LONRF1: variants seen among roughly 807,000 people sequenced by gnomAD.
LONRF1 encodes the protein LON peptidase N-terminal domain and RING finger protein 1.
A neutral mutation model predicts 85.8 loss-of-function variants in LONRF1; 37 were observed. The observed-to-expected ratio is 0.43, with a 90% CI of 0.33 to 0.57. The LOEUF (loss-of-function observed/expected upper bound fraction) is 0.57. Ranked by LOEUF, LONRF1 falls within the 20% of genes least tolerant of loss-of-function variation. The pLI is 0.04. For missense variants in LONRF1, 1,036 were observed against 978.0 expected (o/e 1.06, Z -0.79); for synonymous variants, 517 against 390.1 (o/e 1.33, Z -3.83).
chr8:12,745,846 A>C (rs146494324), intron 1 of LONRF1, among the ~76,000 whole-genome samples: 11 of 152,166 alleles, frequency 7.2e-5, no homozygotes, highest in Non-Finnish European at 1.2e-4. Context: ...AAATCACTTA[A>C]TATCTCTGGT....
intron 1 of LONRF1, among the ~76,000 whole-genome samples, chr8:12,747,206 C>A (rs1370697685): frequency 1.3e-5 from 2 of 152,176 alleles, no homozygotes; most frequent in Admixed American, 6.5e-5. Flanking sequence ...TAAGACTCTG[C>A]TCCACCATCT....
intron 11 of LONRF1, 146 bp from the exon 12 acceptor site, chr8:12,723,400 T>G (rs996756917): frequency 7.4e-6 from 5 of 678,192 alleles, no homozygotes; most frequent in Middle Eastern, 4.1e-4. Context: ...ATGCAAAGTA[T>G]AAAATGGGAG....
In LONRF1 at chr8:12,755,183, G is replaced by A; in HGVS notation, c.238C>T (p.Pro80Ser). ...GCGCCCAGGCACTCGGGCCTGGCCG[G>A]GGCCCCGCGGCGCAGCGCCGCCGCG... ...AFAAALRRGA[P>S]ARPECLGALV... is the part of the protein sequence containing the mutation. Residue 80 changes from proline to serine, a missense_variant, in exon 1 of 12, where the codon CCG (proline) becomes TCG (serine). Coordinates refer to ENST00000398246, the MANE Select transcript of LONRF1 (RefSeq NM_152271.5). 1.5e-6 allele frequency: 2 copies of A among 1,329,970 alleles called. No homozygotes were observed. Among genetic ancestry groups the A allele is most frequent in the Non-Finnish European group, 1.9e-6 (2 of 1,047,680 alleles). The allele number at this position is 1,329,970 out of a possible 1,614,324, so 82.4% of individuals were successfully genotyped here. A position where few individuals can be genotyped will look rare whatever the true frequency, so the allele number is the denominator to read the frequency against.
intron 3 of LONRF1, among the ~76,000 whole-genome samples, chr8:12,739,386 T>A (rs1798843388): frequency 6.6e-6 from 1 of 150,920 alleles, no homozygotes; most frequent in African/African-American, 2.4e-5. Flanking sequence ...ACAGTATATA[T>A]TGTATGATTC....
intron 1 of LONRF1, chr8:12,752,922 TAGG>T (rs1799467188): frequency 6.6e-6 from 1 of 152,208 alleles, no homozygotes; most frequent in South Asian, 2.1e-4. Context: ...GACCAACGTT[TAGG>T]AGAAGCGGAA....
At chr8:12,743,103 A>T in intron 2 of LONRF1, 61 bp downstream of exon 2, 1 of 1,018,854 alleles carries the variant, frequency 9.8e-7, no homozygotes, top group Non-Finnish European at 1.6e-6. Context: ...ACTGTGAATG[A>T]ATGCATGTCC....
intron 10 of LONRF1, among the ~76,000 whole-genome samples, chr8:12,726,373 A>G (rs1321261543): frequency 3.3e-5 from 5 of 152,332 alleles, no homozygotes; most frequent in Admixed American, 3.3e-4. Context: ...ACTGGGTCAA[A>G]ACACAAAAAC....
At position 12,743,274 on chromosome 8, in the gene LONRF1, C is replaced by A; in HGVS notation, c.730G>T (p.Asp244Tyr). The A allele has an allele frequency of 6.4e-7, 1 of 1,570,778 alleles. No homozygotes were observed. Among genetic ancestry groups the A allele is most frequent in the South Asian group, 1.1e-5 (1 of 88,914 alleles). Residue 244 changes from aspartate (D) to tyrosine (Y), a missense_variant, in exon 2 of 12, where the codon GAC (aspartate) becomes TAC (tyrosine). Asp to Tyr is a radical substitution (Grantham distance 160). Around this residue, in one of 3 missense-constraint regions of LONRF1, gnomAD observed 742 missense variants for 614.4 expected, o/e 1.21. Coordinates refer to ENST00000398246, the MANE Select transcript of LONRF1 (RefSeq NM_152271.5). The part of the protein sequence containing the change: ...ACEALRAEPS[D>Y]LIVKIYRAES... Reference sequence around the variant, plus strand: ...GCTCTGTAAATTTTTACAATCAAGTCACTGGGTTCTGAAATAAATATTTTA... The same window carrying A: ...GCTCTGTAAATTTTTACAATCAAGTAACTGGGTTCTGAAATAAATATTTTA...
chr8:12,735,494 A>G, intron 6 of LONRF1, 94 bp from the exon 7 acceptor site: 3 of 743,444 alleles, frequency 4.0e-6, no homozygotes, highest in Non-Finnish European at 6.9e-6. Context: ...TCTCTATTTA[A>G]AGGAGGAAGA....
intron 10 of LONRF1, among the ~76,000 whole-genome samples, chr8:12,728,499 G>C (rs1056245615): frequency 1.3e-5 from 2 of 152,128 alleles, no homozygotes; most frequent in African/African-American, 4.8e-5. Context: ...AATTCCATCG[G>C]CTTCAACTAC....
intron 1 of LONRF1, among the ~76,000 whole-genome samples, chr8:12,747,290 T>C (rs530539370): frequency 3.6e-4 from 55 of 152,312 alleles, no homozygotes; most frequent in Non-Finnish European, 6.5e-4. Flanking sequence ...TCTAGAGTCA[T>C]GGTTTTCTAT....
At chr8:12,741,687 A>C (rs1250917361) in intron 2 of LONRF1, among the ~76,000 whole-genome samples, 2 of 152,210 alleles carry the variant, frequency 1.3e-5, no homozygotes, top group African/African-American at 4.8e-5. Flanking sequence ...TTAAAATGTG[A>C]AAAAAATTTT....
chr8:12,745,323 A>G (rs1488048305), intron 1 of LONRF1, among the ~76,000 whole-genome samples: 1 of 11,038 alleles, frequency 9.1e-5, no homozygotes, highest in African/African-American at 3.1e-4. Flanking sequence ...TTTTTTTGGA[A>G]AAAAAAAAAA....
intron 1 of LONRF1, chr8:12,753,701 C>T (rs1392617364): frequency 5.9e-5 from 9 of 152,186 alleles, no homozygotes; most frequent in Non-Finnish European, 1.3e-4. Context: ...CTTCCTTTTA[C>T]GTAAGAGAAG....
intron 1 of LONRF1, among the ~76,000 whole-genome samples, chr8:12,745,643 T>C (rs1174562194): frequency 6.6e-6 from 1 of 152,242 alleles, no homozygotes; most frequent in Middle Eastern, 3.2e-3. Context: ...AAGATGCTGG[T>C]GCTCACTCCA....
Position 12,745,846 on chromosome 8 carries a change from A to G in LONRF1, c.722-2564T>C, listed in dbSNP as rs146494324. 3.9e-5 allele frequency among the ~76,000 whole-genome samples: 6 copies of G among 152,284 alleles called. No individual in the cohort carries two copies. In the East Asian group the frequency reaches 1.2e-3, roughly 29 times the overall value. ...CTGTGACCTTATTCTAAATCACTTA[A>G]TATCTCTGGTCTTGTACCCATATCT... On this transcript the variant is annotated intron_variant, in intron 1 of 11. Transcript: ENST00000398246.
chr8:12,751,786 A>G (rs191665116), intron 1 of LONRF1, among the ~76,000 whole-genome samples: 1 of 152,064 alleles, frequency 6.6e-6, no homozygotes, highest in African/African-American at 2.4e-5. Context: ...AAGTCAGTGT[A>G]AAAAAACATT....
intron 1 of LONRF1, among the ~76,000 whole-genome samples, chr8:12,750,840 G>C (rs1343044418): frequency 6.6e-6 from 1 of 152,108 alleles, no homozygotes; most frequent in African/African-American, 2.4e-5. Flanking sequence ...AAAATTGCAA[G>C]GTTTAGATTC....
At chr8:12,729,820 T>C (rs17761564) in intron 8 of LONRF1, among the ~76,000 whole-genome samples, 12,850 of 152,252 alleles carry the variant, frequency 0.084, 744 homozygotes, top group Non-Finnish European at 0.13. Flanking sequence ...AAAACATATT[T>C]TGATGAGATA....
Sources: allele counts gnomAD v4.1 joint callset (sites outside exome capture counted in the v4.1 genomes callset), GRCh38; gene constraint gnomAD v4.1.1; regional missense constraint gnomAD v4.1.1; transcripts MANE v1.5; gene names NCBI Gene and HGNC (gene_info 2026-07-23, HGNC 2026-07-21).